DNAAF9: variants seen among roughly 807,000 people sequenced by gnomAD.
DNAAF9 encodes the protein dynein axonemal assembly factor 9.
A neutral mutation model predicts 167.0 loss-of-function variants in DNAAF9; 90 were observed. That is an observed-to-expected ratio of 0.54 (90% confidence interval 0.45 to 0.64). The LOEUF (loss-of-function observed/expected upper bound fraction) is 0.64, where lower values mean the gene tolerates loss of function less well. Among genes scored for constraint, DNAAF9 ranks in the 30% least tolerant of loss-of-function variants. The pLI is 0.00. For missense variants in DNAAF9, 1,315 were observed against 1,442.2 expected, an observed-to-expected ratio of 0.91 and a Z score of 1.43; for synonymous variants, 491 against 508.8, an observed-to-expected ratio of 0.96 and a Z score of 0.47.
rs183990587 is a variant in DNAAF9 at position 3,344,397 on chromosome 20, A to G, written c.790-666T>C. ...TTTTTTTTCTGATTAATATATGTTCATTGTAGAAGACAATAAAAACCACCT... is the reference window on the plus strand; with the variant it reads ...TTTTTTTTCTGATTAATATATGTTCGTTGTAGAAGACAATAAAAACCACCT... On this transcript the variant is annotated intron_variant, in intron 8 of 36. Transcript: ENST00000252032. Among the ~76,000 whole-genome samples, 375 of 152,262 alleles carry G rather than the reference A, an allele frequency of 2.5e-3. 1 individual carries two copies. The highest frequency in any genetic ancestry group is 8.2e-3 in the African/African-American group (342 of 41,550).
Position 3,256,785 on chromosome 20 carries a change from G to A in DNAAF9, c.3056-574C>T, listed in dbSNP as rs191107005. 1.8e-4 allele frequency among the ~76,000 whole-genome samples: 28 copies of A among 152,308 alleles called. No homozygotes were observed. In the East Asian group the frequency reaches 4.0e-3, roughly 22 times the overall value. On this transcript the variant is annotated intron_variant, in intron 33 of 36. Transcript: ENST00000252032. The stretch of plus-strand genomic sequence containing the variant: ...TAGCTGTTATGGAAGAGGTGGTTGA[G>A]GAAAAGCAAAGAAACCCCCTTGGTA...
rs1568617695 is a variant in DNAAF9, at chr20:3,344,624, CACACACACACACACA to C, written c.790-908_790-894del. Among the ~76,000 whole-genome samples the C allele has an allele frequency of 3.4e-3, 492 of 146,350 alleles. 2 individuals are homozygous for C. The highest frequency in any genetic ancestry group is 0.013 in the African/African-American group (459 of 36,526). On this transcript the variant is annotated intron_variant, in intron 8 of 36. Transcript: ENST00000252032. ...ACACACACACACACACACACACACA[CACACACACACACACA>C]CCTCATGTAGTGAACTTAATAAATT...
chr20:3,314,247 G>A (rs1200474011), intron 20 of DNAAF9, among the ~76,000 whole-genome samples: 2 of 152,112 alleles, frequency 1.3e-5, no homozygotes, highest in Middle Eastern at 3.2e-3. Context: ...TTGAACTGTA[G>A]CCATAATGGG....
At chr20:3,258,268 A>C (rs1452940809) in intron 33 of DNAAF9, among the ~76,000 whole-genome samples, 1 of 152,208 alleles carries the variant, frequency 6.6e-6, no homozygotes, top group Non-Finnish European at 1.5e-5. Context: ...TTGGAGCCTG[A>C]GATTAGTGGG....
chr20:3,390,796 C>A (rs982429554), intron 1 of DNAAF9, among the ~76,000 whole-genome samples: 1 of 152,130 alleles, frequency 6.6e-6, no homozygotes, highest in African/African-American at 2.4e-5. Context: ...TTTTTCTGGG[C>A]AATGAAGATT....
chr20:3,256,468 C>T (rs1408006799), intron 33 of DNAAF9, among the ~76,000 whole-genome samples: 2 of 151,992 alleles, frequency 1.3e-5, no homozygotes, highest in East Asian at 1.9e-4. Flanking sequence ...GCTGAGATTG[C>T]GCCACTGTAC....
At chr20:3,284,173 CT>C (rs200633758) in intron 27 of DNAAF9, among the ~76,000 whole-genome samples, 131 of 118,222 alleles carry the variant, frequency 1.1e-3, no homozygotes, top group Middle Eastern at 6.5e-3. Flanking sequence ...TTACTAGAGT[CT>C]TTTTTTTTTT....
intron 27 of DNAAF9, among the ~76,000 whole-genome samples, chr20:3,284,810 C>T (rs919386049): frequency 3.3e-5 from 5 of 152,088 alleles, no homozygotes; most frequent in Non-Finnish European, 5.9e-5. Context: ...CCCTCAAATT[C>T]TCTAAAATTA....
chr20:3,334,227 C>G lies in DNAAF9; in HGVS notation c.982-1866G>C, dbSNP rs567465569. On this transcript the variant is annotated intron_variant, in intron 10 of 36. Coordinates refer to ENST00000252032, the MANE Select transcript of DNAAF9 (RefSeq NM_001009984.3). ...CTAGACAAGACTAATCCTCGCAACCCTAGACTTATGTATCTAACCCACTGC... is the reference window on the plus strand; with the variant it reads ...CTAGACAAGACTAATCCTCGCAACCGTAGACTTATGTATCTAACCCACTGC... 9.5e-4 allele frequency among the ~76,000 whole-genome samples: 144 copies of G among 152,328 alleles called. 2 individuals are homozygous for G. The highest frequency in any genetic ancestry group is 3.3e-3 in the African/African-American group (139 of 41,574).
intron 20 of DNAAF9, among the ~76,000 whole-genome samples, chr20:3,310,868 C>G (rs933389413): frequency 2.1e-4 from 32 of 152,114 alleles, no homozygotes; most frequent in Non-Finnish European, 1.5e-4. Context: ...ACTGCACACT[C>G]ACCACAGTGG....
chr20:3,281,869 C>T, intron 27 of DNAAF9, 103 bp from the exon 28 acceptor site: 1 of 1,248,578 alleles, frequency 8.0e-7, no homozygotes, highest in African/African-American at 1.5e-5. Flanking sequence ...GGAAAGAAAA[C>T]CAAAAGGAAG....
chr20:3,399,888 T>G (rs757063373), intron 1 of DNAAF9, among the ~76,000 whole-genome samples: 1 of 152,202 alleles, frequency 6.6e-6, no homozygotes, highest in Non-Finnish European at 1.5e-5. Flanking sequence ...TCTCGCCAGC[T>G]GCCAAACTTA....
At chr20:3,377,889 C>T (rs947104687) in intron 3 of DNAAF9, among the ~76,000 whole-genome samples, 13 of 152,114 alleles carry the variant, frequency 8.5e-5, no homozygotes, top group African/African-American at 3.1e-4. Context: ...CTTTGGAATG[C>T]CCTTGGCCAA....
intron 30 of DNAAF9, 31 bp from the exon 31 acceptor site, chr20:3,264,555 A>G (rs752156113): frequency 9.6e-7 from 1 of 1,046,778 alleles, no homozygotes; most frequent in Non-Finnish European, 1.5e-6. Flanking sequence ...GACCTAGATT[A>G]ATTAGGACTG....
chr20:3,347,934 C>A (rs1555794726), intron 8 of DNAAF9, among the ~76,000 whole-genome samples: 1 of 151,870 alleles, frequency 6.6e-6, no homozygotes, highest in Non-Finnish European at 1.5e-5. Flanking sequence ...AGGTAAAATG[C>A]GTAACAACAA....
rs370957222 is a variant in DNAAF9, at chr20:3,348,080, G to A, written c.789+445C>T. On this transcript the variant is annotated intron_variant, in intron 8 of 36. Transcript: ENST00000252032. ...TAGAAGGATTCCTTGGATCCTTCCT[G>A]CTGATTAGTTTTTGAGGCTGTCCTG... Among the ~76,000 whole-genome samples, 5 of 152,286 alleles carry A rather than the reference G, an allele frequency of 3.3e-5. No individual in the cohort carries two copies. In the East Asian group the frequency reaches 9.6e-4, roughly 29 times the overall value.
chr20:3,323,274 C>CTTTTT (rs71195835), intron 14 of DNAAF9, among the ~76,000 whole-genome samples: 9 of 69,084 alleles, frequency 1.3e-4, no homozygotes, highest in Admixed American at 2.1e-4. Flanking sequence ...GTGAAGTAAT[C>CTTTTT]TTTTTTTTTT....
chr20:3,285,082 T>C (rs2068827847), intron 27 of DNAAF9, among the ~76,000 whole-genome samples: 1 of 152,188 alleles, frequency 6.6e-6, no homozygotes, highest in Non-Finnish European at 1.5e-5. Context: ...ACTTTGTCAT[T>C]TTAAAATACA....
intron 12 of DNAAF9, among the ~76,000 whole-genome samples, chr20:3,330,242 G>T (rs535954854): frequency 6.6e-6 from 1 of 152,156 alleles, no homozygotes; most frequent in East Asian, 1.9e-4. Context: ...TAAACCAGAT[G>T]TCTTCTTCTT....
Sources: gnomAD v4.1 joint callset for allele counts (sites outside exome capture counted in the v4.1 genomes callset) on GRCh38, gnomAD v4.1.1 for gene constraint, MANE v1.5 for transcripts, NCBI Gene and HGNC (gene_info 2026-07-23, HGNC 2026-07-21) for gene names.